Variants in PRUNE2 observed in about 807,000 individuals in gnomAD.
The protein encoded by PRUNE2 is protein prune homolog 2.
In PRUNE2, 164 loss-of-function variants were observed where a neutral mutation model predicts 252.0. The observed-to-expected ratio is 0.65, with a 90% confidence interval of 0.57 to 0.74. The LOEUF (loss-of-function observed/expected upper bound fraction) is 0.74, where lower values mean the gene tolerates loss of function less well. Ranked by LOEUF, PRUNE2 falls within the 30% of genes least tolerant of loss-of-function variation. The pLI, the probability that PRUNE2 is intolerant of heterozygous loss-of-function variation, is 0.00. For missense variants in PRUNE2, 3,495 were observed against 3,711.0 expected, an observed-to-expected ratio of 0.94 and a Z score of 1.51; for synonymous variants, 1,292 against 1,350.2, an observed-to-expected ratio of 0.96 and a Z score of 0.94.
intron 10 of PRUNE2, among the ~76,000 whole-genome samples, chr9:76,653,635 C>T (rs922096111): frequency 3.3e-5 from 5 of 152,082 alleles, no homozygotes; most frequent in Non-Finnish European, 7.4e-5. Flanking sequence ...ATGGAATGTA[C>T]GTTAAGAACT....
intron 11 of PRUNE2, among the ~76,000 whole-genome samples, chr9:76,649,394 G>A (rs556377906): frequency 6.6e-6 from 1 of 152,198 alleles, no homozygotes; most frequent in East Asian, 1.9e-4. Context: ...AGACCAGCCT[G>A]GGAAACGTGG....
chr9:76,720,353 TA>T (rs1465602964), intron 6 of PRUNE2, among the ~76,000 whole-genome samples: 10 of 152,214 alleles, frequency 6.6e-5, no homozygotes, highest in Non-Finnish European at 1.5e-4. Context: ...GTCTCTCCAT[TA>T]TTTTAGGGAG....
At chr9:76,758,061 A>G (rs562793315) in intron 6 of PRUNE2, among the ~76,000 whole-genome samples, 97 of 152,326 alleles carry the variant, frequency 6.4e-4, no homozygotes, top group Non-Finnish European at 8.7e-4. Flanking sequence ...AACCTTTGCT[A>G]TCTTCAATCA....
chr9:76,733,879 A>G (rs1436136481), intron 6 of PRUNE2: 1 of 151,998 alleles, frequency 6.6e-6, no homozygotes, highest in Non-Finnish European at 1.5e-5. Flanking sequence ...TTTGTGATCC[A>G]AAAAGATTTT....
At chr9:76,652,871 T>A (rs1293563255) in intron 10 of PRUNE2, among the ~76,000 whole-genome samples, 188 bp from the exon 11 acceptor site, 1 of 152,196 alleles carries the variant, frequency 6.6e-6, no homozygotes. Context: ...CCAGTAAGTA[T>A]AATCCAAATA....
chr9:76,634,595 C>T (rs1312034009), intron 15 of PRUNE2, among the ~76,000 whole-genome samples: 2 of 152,166 alleles, frequency 1.3e-5, no homozygotes, highest in Non-Finnish European at 2.9e-5. Flanking sequence ...TGAGCTGTAC[C>T]CAATCAAGCT....
At chr9:76,728,068 AATCT>A (rs933798315) in intron 6 of PRUNE2, among the ~76,000 whole-genome samples, 2 of 152,082 alleles carry the variant, frequency 1.3e-5, no homozygotes, top group African/African-American at 4.8e-5. Flanking sequence ...ATTCCTGAAA[AATCT>A]ATCTTTTATC....
At chr9:76,713,282 G>A (rs995504041) in intron 7 of PRUNE2, among the ~76,000 whole-genome samples, 2 of 152,180 alleles carry the variant, frequency 1.3e-5, no homozygotes. Flanking sequence ...AGCAGTCCTA[G>A]AAGAAAATAG....
At chr9:76,679,464 T>C (rs1161488546) in intron 9 of PRUNE2, among the ~76,000 whole-genome samples, 2 of 152,164 alleles carry the variant, frequency 1.3e-5, no homozygotes, top group Non-Finnish European at 2.9e-5. Flanking sequence ...ATTACAAAGC[T>C]ACAGTAATCA....
intron 9 of PRUNE2, among the ~76,000 whole-genome samples, chr9:76,655,805 G>A (rs748841809): frequency 5.9e-5 from 9 of 152,152 alleles, no homozygotes; most frequent in Middle Eastern, 3.4e-3. Context: ...AATATACTTC[G>A]GGGACATTTA....
intron 9 of PRUNE2, among the ~76,000 whole-genome samples, chr9:76,671,719 C>A (rs1181349423): frequency 6.6e-6 from 1 of 151,428 alleles, no homozygotes; most frequent in Non-Finnish European, 1.5e-5. Flanking sequence ...AGAAACCCTA[C>A]AAGCCAGAAG....
rs1564106598 is a variant in PRUNE2 at position 76,708,047 on chromosome 9, AT to A, written c.4226del (p.Asn1409IlefsTer2). On this transcript the variant is annotated frameshift_variant, in exon 8 of 19. Transcript: ENST00000376718. LOFTEE classifies it high-confidence loss of function. ...EVLEYEEGSY[N>X]LDSRDVQTGM... ...CTGTTTGCACATCACGGGAGTCTAG[AT>A]TGTAAGACCCCTCCTCATACTCTAA... 1 of 1,613,938 alleles carries A rather than the reference AT, an allele frequency of 6.2e-7. No individual in the cohort carries two copies. The highest frequency in any genetic ancestry group is 8.5e-7 in the Non-Finnish European group (1 of 1,179,882).
intron 12 of PRUNE2, among the ~76,000 whole-genome samples, chr9:76,640,476 T>C (rs527381277): frequency 3.9e-5 from 6 of 152,356 alleles, no homozygotes; most frequent in African/African-American, 1.4e-4. Context: ...ACAGTATTTA[T>C]ACTACAGATC....
At position 76,705,706 on chromosome 9, in the gene PRUNE2, G is replaced by A; in HGVS notation, c.6568C>T (p.Pro2190Ser). The A allele has an allele frequency of 1.2e-6, 2 of 1,613,852 alleles. No individual in the cohort carries two copies. The highest frequency in any genetic ancestry group is 1.6e-4 in the Middle Eastern group (1 of 6,062). Residue 2190 changes from proline (P) to serine (S), a missense_variant, in exon 8 of 19, where the codon CCT becomes TCT. Pro to Ser is a moderately conservative substitution (Grantham distance 74). Transcript: ENST00000376718. ...SSQPASHKGS[P>S]EPSEINGDNS... The stretch of plus-strand genomic sequence containing the variant: ...TCACCGTTTATTTCAGAAGGTTCAG[G>A]TGAACCTTTATGAGAGGCGGGCTGA...
intron 6 of PRUNE2, among the ~76,000 whole-genome samples, chr9:76,740,892 T>C (rs2049555090): frequency 6.6e-6 from 1 of 152,162 alleles, no homozygotes; most frequent in Non-Finnish European, 1.5e-5. Flanking sequence ...ATTGAGATGG[T>C]TTCTCCTAGA....
At chr9:76,630,805 C>A (rs11144985) in intron 15 of PRUNE2, among the ~76,000 whole-genome samples, 1 of 152,320 alleles carries the variant, frequency 6.6e-6, no homozygotes, top group Non-Finnish European at 1.5e-5. Flanking sequence ...GGATTACAGG[C>A]GTAAGCCTCT....
At chr9:76,725,914 G>A (rs2048063119) in intron 6 of PRUNE2, among the ~76,000 whole-genome samples, 1 of 152,242 alleles carries the variant, frequency 6.6e-6, no homozygotes, top group Non-Finnish European at 1.5e-5. Context: ...AACTGTAACT[G>A]ATTTAAGTAG....
rs140048802 is a variant in PRUNE2 at position 76,749,413 on chromosome 9, T to G, written c.757-35692A>C. On this transcript the variant is annotated intron_variant, in intron 6 of 18. Transcript: ENST00000376718. ...AACCAACTGCAAATCAGAGAATCTT[T>G]GAATCCATCTATGACCTGTAAGCCC... Among the ~76,000 whole-genome samples, 288 of 152,368 alleles carry G rather than the reference T, an allele frequency of 1.9e-3. 4 individuals carry two copies. In the East Asian group the frequency reaches 0.051, roughly 27 times the overall value.
At chr9:76,890,903 C>T (rs954195588) in intron 1 of PRUNE2, among the ~76,000 whole-genome samples, 1 of 152,186 alleles carries the variant, frequency 6.6e-6, no homozygotes, top group African/African-American at 2.4e-5. Context: ...CTTTATTCAC[C>T]AGCGTGAATT....
Sources: allele counts gnomAD v4.1 joint callset (sites outside exome capture counted in the v4.1 genomes callset), GRCh38; gene constraint gnomAD v4.1.1; transcripts MANE v1.5; gene names NCBI Gene and HGNC (gene_info 2026-07-23, HGNC 2026-07-21).